The following SEMA6D variants were observed in gnomAD, a reference collection of about 807,000 sequenced individuals.
The protein encoded by SEMA6D is semaphorin-6D.
Under a neutral mutation model 106.6 loss-of-function variants are expected in SEMA6D, and 35 were observed. That is an observed-to-expected ratio of 0.33 (90% CI 0.25 to 0.44). The LOEUF is 0.44. SEMA6D is among the 20% of genes least tolerant of loss of function. The pLI, the probability that SEMA6D is intolerant of heterozygous loss-of-function variation, is 1.00. For synonymous variants in SEMA6D, 499 were observed against 487.7 expected (o/e 1.02, Z -0.31); for missense variants, 1,185 against 1,345.9 (o/e 0.88, Z 1.87).
chr15:47,574,798 C>G (rs1053233956), intron 3 of SEMA6D, among the ~76,000 whole-genome samples: 4 of 152,080 alleles, frequency 2.6e-5, no homozygotes, highest in Admixed American at 2.6e-4. Flanking sequence ...TGGATAGAGC[C>G]TGATTTCATT....
Position 47,767,021 on chromosome 15 carries a change from C to T in SEMA6D, c.1709-16C>T, listed in dbSNP as rs1483727649. On this transcript the variant is annotated splice_polypyrimidine_tract_variant and intron_variant, in intron 16 of 18. Coordinates refer to ENST00000536845, the MANE Select transcript of SEMA6D (RefSeq NM_001358351.3). ...GGTTACTTTTCACTGATTACTTGTT[C>T]CTTTAATTCTTTTAGAAATTTTGCC... 2 of 1,490,180 alleles carry T rather than the reference C, an allele frequency of 1.3e-6. No homozygotes were observed. Among genetic ancestry groups the T allele is most frequent in the South Asian group, 1.3e-5 (1 of 74,730 alleles). 92.3% of individuals were successfully genotyped at this position (1,490,180 alleles called of 1,614,324 possible). A position where few individuals can be genotyped will look rare whatever the true frequency, so the allele number is the denominator to read the frequency against.
intron 3 of SEMA6D, among the ~76,000 whole-genome samples, chr15:47,507,371 T>G (rs2044083764): frequency 1.1e-5 from 1 of 90,900 alleles, no homozygotes; most frequent in Admixed American, 1.7e-4. Flanking sequence ...CTTATATTCC[T>G]TGGCTGAGAC....
chr15:47,402,811 A>G (rs2040440492), intron 1 of SEMA6D, among the ~76,000 whole-genome samples: 1 of 147,126 alleles, frequency 6.8e-6, no homozygotes, highest in South Asian at 2.1e-4. Context: ...AGCATTTGAC[A>G]TAAGGAAAAG....
At chr15:47,391,979 C>A (rs190596073) in intron 1 of SEMA6D, among the ~76,000 whole-genome samples, 21 of 152,242 alleles carry the variant, frequency 1.4e-4, no homozygotes, top group African/African-American at 4.3e-4. Context: ...TGGGCTCACA[C>A]TTAATTCCCA....
chr15:47,226,902 T>G (rs1422731281), intron 1 of SEMA6D, among the ~76,000 whole-genome samples: 2 of 152,080 alleles, frequency 1.3e-5, no homozygotes, highest in African/African-American at 4.8e-5. Flanking sequence ...TTTCATCACT[T>G]TATTTTTCTA....
intron 4 of SEMA6D, among the ~76,000 whole-genome samples, chr15:47,632,773 G>C (rs1009174757): frequency 6.6e-6 from 1 of 151,730 alleles, no homozygotes; most frequent in Non-Finnish European, 1.5e-5. Context: ...TTACGTTTAA[G>C]GTAATTATTC....
intron 3 of SEMA6D, among the ~76,000 whole-genome samples, chr15:47,479,168 C>T (rs1239539695): frequency 6.6e-6 from 1 of 152,150 alleles, no homozygotes; most frequent in Non-Finnish European, 1.5e-5. Flanking sequence ...TCTTGGTCAA[C>T]AGTTACTTCA....
rs80027548 is a variant in SEMA6D at position 47,760,758 on chromosome 15, C to T, written c.222-220C>T. On this transcript the variant is annotated intron_variant, in intron 3 of 18. Transcript: ENST00000536845. ...ATGCTAATACCAAGTAGCAGTTTGA[C>T]CCATGCCTGGAGAGAAGAGCTTTCT... is the stretch of plus-strand genomic sequence containing the variant. Among the ~76,000 whole-genome samples, 966 of 152,200 alleles carry T rather than the reference C, an allele frequency of 6.3e-3. 8 individuals are homozygous for T. Among genetic ancestry groups the T allele is most frequent in the African/African-American group, 0.022 (928 of 41,530 alleles).
intron 3 of SEMA6D, among the ~76,000 whole-genome samples, chr15:47,539,528 G>A (rs773129810): frequency 4.6e-5 from 7 of 151,818 alleles, no homozygotes; most frequent in Non-Finnish European, 8.8e-5. Context: ...GGGTTAAAGC[G>A]ATTCTCCTGC....
intron 1 of SEMA6D, among the ~76,000 whole-genome samples, chr15:47,328,211 G>C (rs1262978123): frequency 6.6e-6 from 1 of 152,166 alleles, no homozygotes; most frequent in Non-Finnish European, 1.5e-5. Context: ...AAAGAAGGCA[G>C]GAAACATAAT....
intron 1 of SEMA6D, among the ~76,000 whole-genome samples, chr15:47,232,486 C>T (rs145859834): frequency 2.2e-3 from 338 of 151,238 alleles, no homozygotes; most frequent in African/African-American, 7.8e-3. Flanking sequence ...CCTGGAATTT[C>T]TCCATATCCT....
intron 1 of SEMA6D, among the ~76,000 whole-genome samples, chr15:47,298,359 C>G (rs1357407162): frequency 6.6e-6 from 1 of 151,350 alleles, no homozygotes; most frequent in East Asian, 1.9e-4. Flanking sequence ...TCTCATTGAG[C>G]ATACACACCT....
In SEMA6D at chr15:47,324,754, A is replaced by G. The variant is rs146494669; in HGVS notation, c.-238-87639A>G. On this transcript the variant is annotated intron_variant, in intron 1 of 19. Coordinates refer to the SEMA6D transcript ENST00000558014. ...TATGAATGTGTGCACATACGTGTGT[A>G]TATATATAGTAATGTACGCTATTAT... is the stretch of plus-strand genomic sequence containing the variant. 6.0e-3 allele frequency among the ~76,000 whole-genome samples: 903 copies of G among 151,504 alleles called. 13 individuals carry two copies. The highest frequency in any genetic ancestry group is 0.021 in the African/African-American group (875 of 41,352).
At chr15:47,564,100 T>C (rs1308780359) in intron 3 of SEMA6D, among the ~76,000 whole-genome samples, 1 of 152,252 alleles carries the variant, frequency 6.6e-6, no homozygotes, top group Non-Finnish European at 1.5e-5. Flanking sequence ...ATCATGCTCA[T>C]TTATAAATCA....
chr15:47,651,431 T>C (rs1481453481), intron 4 of SEMA6D, among the ~76,000 whole-genome samples: 1 of 152,166 alleles, frequency 6.6e-6, no homozygotes, highest in Non-Finnish European at 1.5e-5. Flanking sequence ...AAACTTCTGT[T>C]AGTACAGGCA....
chr15:47,566,290 C>A (rs2046227168), intron 3 of SEMA6D, among the ~76,000 whole-genome samples: 1 of 152,230 alleles, frequency 6.6e-6, no homozygotes, highest in Non-Finnish European at 1.5e-5. Context: ...ATGCTAGGCC[C>A]ACTTTGGCCT....
intron 2 of SEMA6D, among the ~76,000 whole-genome samples, chr15:47,420,630 G>A (rs1435237998): frequency 1.3e-5 from 2 of 152,076 alleles, no homozygotes; most frequent in African/African-American, 4.8e-5. Flanking sequence ...ACAGATGTGA[G>A]AACTGTTGTT....
intron 3 of SEMA6D, among the ~76,000 whole-genome samples, chr15:47,539,379 G>A (rs530562103): frequency 1.3e-5 from 2 of 151,270 alleles, no homozygotes; most frequent in Non-Finnish European, 2.9e-5. Flanking sequence ...CTGAGACGAA[G>A]GTCATTTGCC....
chr15:47,290,568 C>T (rs1417422021), intron 1 of SEMA6D, among the ~76,000 whole-genome samples: 1 of 151,658 alleles, frequency 6.6e-6, no homozygotes, highest in South Asian at 2.1e-4. Flanking sequence ...ATGTATATCA[C>T]CGGAAATGAT....
Sources: gnomAD v4.1 joint callset for allele counts (sites outside exome capture counted in the v4.1 genomes callset) on GRCh38, gnomAD v4.1.1 for gene constraint, MANE v1.5 for transcripts, NCBI Gene and HGNC (gene_info 2026-07-23, HGNC 2026-07-21) for gene names.